Variants in TECPR1 observed in about 807,000 individuals in gnomAD.
TECPR1 encodes the protein tectonin beta-propeller repeat-containing protein 1.
Under a neutral mutation model 162.4 loss-of-function variants are expected in TECPR1, and 122 were observed. The observed-to-expected ratio is 0.75, with a 90% CI of 0.65 to 0.87. The LOEUF is 0.87. Ranked by LOEUF, TECPR1 falls within the 40% of genes least tolerant of loss-of-function variation. TECPR1 has a pLI of 0.00. For synonymous variants in TECPR1, 642 were observed against 670.6 expected, an observed-to-expected ratio of 0.96 and a Z score of 0.66; for missense variants, 1,432 against 1,618.2, an observed-to-expected ratio of 0.88 and a Z score of 1.97.
At chr7:98,235,896 G>C (rs1380482690) in intron 10 of TECPR1, among the ~76,000 whole-genome samples, 2 of 147,232 alleles carry the variant, frequency 1.4e-5, no homozygotes, top group African/African-American at 5.0e-5. Flanking sequence ...ATGAGCAAAC[G>C]CCTGCCCTGG....
In TECPR1 at chr7:98,246,047, C is replaced by T; in HGVS notation, c.100G>A (p.Glu34Lys). Residue 34 changes from glutamate (E) to lysine (K), a missense_variant, in exon 3 of 26, where the codon GAG becomes AAG. Physicochemically the swap from Glu to Lys is moderately conservative, Grantham distance 56. Transcript: ENST00000447648. ...GTGGTGGCGCTGACGCGCTTGAACT[C>T]CAGCTGGGAGTCCTTGCACATTTCC... The part of the protein sequence containing the change: ...YWEMCKDSQL[E>K]FKRVSATTQC... 6.3e-7 allele frequency: 1 copy of T among 1,581,536 alleles called. No individual in the cohort carries two copies. Among genetic ancestry groups the T allele is most frequent in the Non-Finnish European group, 8.6e-7 (1 of 1,164,514 alleles).
At position 98,218,033 on chromosome 7, in the gene TECPR1, C is replaced by G; in HGVS notation, c.3167G>C (p.Trp1056Ser). The G allele has an allele frequency of 6.4e-7, 1 of 1,563,438 alleles. No homozygotes were observed. Among genetic ancestry groups the G allele is most frequent in the Non-Finnish European group, 8.7e-7 (1 of 1,154,462 alleles). The part of the protein sequence containing the change: ...VYALDENGNL[W>S]YRQGITPSYP... ...GCTGGGCGTGATCCCTTGGCGATACCACAGGTTTCCTGGGGAGAAAAGCAG... is the reference window on the plus strand; with the variant it reads ...GCTGGGCGTGATCCCTTGGCGATACGACAGGTTTCCTGGGGAGAAAAGCAG... The change falls in exon 24 of 26, where the codon TGG becomes TCG. Residue 1056 changes from tryptophan to serine, a missense_variant. Trp to Ser is a radical substitution (Grantham distance 177). Transcript: ENST00000447648.
intron 23 of TECPR1, 65 bp from the exon 24 acceptor site, chr7:98,218,107 C>G (rs1258961065): frequency 7.3e-7 from 1 of 1,377,470 alleles, no homozygotes; most frequent in Admixed American, 2.1e-5. Context: ...CCGTGCGGCC[C>G]GGCAGCCGGT....
chr7:98,219,050 A>C (rs1798083117), intron 23 of TECPR1, among the ~76,000 whole-genome samples: 2 of 152,208 alleles, frequency 1.3e-5, no homozygotes, highest in Non-Finnish European at 2.9e-5. Context: ...CACATAGACC[A>C]GTGGAACAGA....
intron 10 of TECPR1, 148 bp downstream of exon 10, chr7:98,236,628 G>A: frequency 2.8e-6 from 3 of 1,086,256 alleles, no homozygotes; most frequent in Middle Eastern, 3.0e-4. Flanking sequence ...GGCTCTTGTG[G>A]CTTTTGTGAG....
At chr7:98,226,639 A>C (rs1798285211) in intron 17 of TECPR1, 1 of 1,065,094 alleles carries the variant, frequency 9.4e-7, no homozygotes, top group Admixed American at 4.7e-5. Context: ...GAAAAGGCAG[A>C]AGTGGAGGCC....
chr7:98,225,086 G>T lies in TECPR1; in HGVS notation c.2530C>A (p.Arg844=). The change falls in exon 18 of 26, where the codon CGG becomes AGG. Residue 844 remains arginine (R), a synonymous_variant. Transcript: ENST00000447648. Reference sequence around the variant, plus strand: ...CCCGAGGCATCGCTCCACATGTACCGGTCCGTGGGCAGACCCCTGCGGCAG... The same window carrying T: ...CCCGAGGCATCGCTCCACATGTACCTGTCCGTGGGCAGACCCCTGCGGCAG... ...GYTSRGLPTD[R]YMWSDASGLQ... 1 of 1,568,954 alleles carries T rather than the reference G, an allele frequency of 6.4e-7. No individual in the cohort carries two copies. The highest frequency in any genetic ancestry group is 8.6e-7 in the Non-Finnish European group (1 of 1,159,046).
At chr7:98,219,112 A>G (rs1158867268) in intron 23 of TECPR1, among the ~76,000 whole-genome samples, 1 of 152,244 alleles carries the variant, frequency 6.6e-6, no homozygotes, top group East Asian at 1.9e-4. Flanking sequence ...GATCTTTGAG[A>G]AAGCATACAA....
chr7:98,231,448 T>A, intron 13 of TECPR1, 75 bp from the exon 14 acceptor site: 1 of 1,479,318 alleles, frequency 6.8e-7, no homozygotes, highest in Non-Finnish European at 9.1e-7. Context: ...CCCACTGTGC[T>A]TCACCCTGGG....
intron 17 of TECPR1, chr7:98,226,808 C>G (rs1435109105): frequency 4.6e-6 from 2 of 434,256 alleles, no homozygotes; most frequent in Non-Finnish European, 8.4e-6. Context: ...TGGTGCATGC[C>G]TGTAATCCCA....
chr7:98,221,004 A>T (rs1008926598), intron 23 of TECPR1, among the ~76,000 whole-genome samples: 1 of 149,930 alleles, frequency 6.7e-6, no homozygotes, highest in African/African-American at 2.4e-5. Context: ...GGTACATTTT[A>T]AAATAACTGA....
Position 98,242,225 on chromosome 7 carries a change from T to A in TECPR1, c.658-981A>T, listed in dbSNP as rs114075859. 1.2e-3 allele frequency among the ~76,000 whole-genome samples: 176 copies of A among 152,330 alleles called. 1 individual carries two copies. The highest frequency in any genetic ancestry group is 4.1e-3 in the African/African-American group (171 of 41,570). On this transcript the variant is annotated intron_variant, in intron 6 of 25. Transcript: ENST00000447648. ...AAGCCCACTGGGGAGCTGTGGTCAA[T>A]GCGTGGTGAGAGCGACTGAAGAATC...
Position 98,232,838 on chromosome 7 carries a change from C to T in TECPR1, c.1807G>A (p.Ala603Thr), listed in dbSNP as rs1241146253. Residue 603 changes from alanine to threonine, a missense_variant, in exon 12 of 26, where the codon GCC (alanine) becomes ACC (threonine). By Grantham distance (58) the Ala-to-Thr change is moderately conservative (BLOSUM62 0). Transcript: ENST00000447648. This position sits in a 1 kb window ranked among gnomAD's most constrained non-coding sequence, Gnocchi z 4.6. ...ELENFRHYEQ[A>T]VEQSVWVKTG... ...ACCGGGGCACCCACCTGCTCCACGG[C>T]CTGCTCGTAGTGTCTGAAGTTCTCC... is the stretch of plus-strand genomic sequence containing the variant. The T allele has an allele frequency of 6.2e-6, 10 of 1,601,678 alleles. No homozygotes were observed. The highest frequency in any genetic ancestry group is 8.5e-6 in the Non-Finnish European group (10 of 1,175,054).
At chr7:98,245,167 G>T in intron 3 of TECPR1, 100 bp from the exon 4 acceptor site, 1 of 1,317,540 alleles carries the variant, frequency 7.6e-7, no homozygotes, top group Non-Finnish European at 1.0e-6. Context: ...CTGCCCAGCC[G>T]ACCCCCTCAT....
intron 19 of TECPR1, among the ~76,000 whole-genome samples, chr7:98,224,533 G>A (rs2291746): frequency 0.23 from 34,797 of 152,172 alleles, 4,327 homozygotes; most frequent in South Asian, 0.44. Context: ...AGGGATGAAC[G>A]TGGCGTGGGG....
chr7:98,233,801 G>A lies in TECPR1; in HGVS notation c.1292C>T (p.Ala431Val). ...ERPGPGQILP[A>V]EPLDDSKNAT... ...ATTCTTGGAATCGTCTAGAGGTTCT[G>A]CAGGGAGAATCTGGCCAGGCCCTGG... is the stretch of plus-strand genomic sequence containing the variant. Residue 431 changes from alanine (A) to valine (V), a missense_variant, in exon 11 of 26, where the codon GCA (alanine) becomes GTA (valine). Transcript: ENST00000447648. 6.2e-7 allele frequency: 1 copy of A among 1,609,642 alleles called. No individual in the cohort carries two copies. Among genetic ancestry groups the A allele is most frequent in the Non-Finnish European group, 8.5e-7 (1 of 1,178,512 alleles).
Position 98,246,000 on chromosome 7 carries a change from G to A in TECPR1, c.147C>T (p.Ala49=). 1.2e-6 allele frequency: 2 copies of A among 1,605,338 alleles called. No homozygotes were observed. Among genetic ancestry groups the A allele is most frequent in the Non-Finnish European group, 1.7e-6 (2 of 1,176,634 alleles). The part of the protein sequence containing the change: ...SATTQCCWGI[A]CDNQVYVYVC... ...CATACACGTAGACCTGGTTGTCACAGGCAATGCCCCAGCAGCACTGCGTGG... is the reference window on the plus strand; with the variant it reads ...CATACACGTAGACCTGGTTGTCACAAGCAATGCCCCAGCAGCACTGCGTGG... Residue 49 remains alanine (A), a synonymous_variant, in exon 3 of 26, where the codon GCC becomes GCT. Transcript: ENST00000447648.
intron 16 of TECPR1, 59 bp downstream of exon 16, chr7:98,228,980 C>T (rs774655738): frequency 2.6e-4 from 400 of 1,558,892 alleles, no homozygotes; most frequent in Admixed American, 5.8e-4. Flanking sequence ...GGAACCCAGA[C>T]GGGGACTAGA....
intron 21 of TECPR1, 58 bp from the exon 22 acceptor site, chr7:98,222,579 C>T (rs535291214): frequency 1.3e-6 from 2 of 1,532,286 alleles, no homozygotes; most frequent in Non-Finnish European, 1.8e-6. Flanking sequence ...CAGGGCCCCA[C>T]CTCCAGGACC....
Sources: gnomAD v4.1 joint callset for allele counts (sites outside exome capture counted in the v4.1 genomes callset) on GRCh38, gnomAD v4.1.1 for gene constraint, Gnocchi (gnomAD v3.1) non-coding constraint, MANE v1.5 for transcripts, NCBI Gene and HGNC (gene_info 2026-07-23, HGNC 2026-07-21) for gene names.